MSI2: variants seen among roughly 807,000 people sequenced by gnomAD.
MSI2 encodes musashi RNA binding protein 2.
Under a neutral mutation model 45.6 loss-of-function variants are expected in MSI2, and 17 were observed. The ratio of observed to expected loss-of-function variants is 0.37; its 90% confidence interval spans 0.26 to 0.56. MSI2 has a LOEUF of 0.56. MSI2 is among the 20% of genes least tolerant of loss of function. MSI2 has a pLI of 0.77. For synonymous variants in MSI2, 156 were observed against 158.2 expected (o/e 0.99, Z 0.11); for missense variants, 293 against 444.2 (o/e 0.66, Z 3.06).
intron 7 of MSI2, among the ~76,000 whole-genome samples, chr17:57,576,177 CTTATCAGGGGCTG>C (rs2088042130): frequency 6.6e-6 from 1 of 152,158 alleles, no homozygotes; most frequent in Admixed American, 6.5e-5. Flanking sequence ...GTGCTGGGCA[CTTATCAGGGGCTG>C]AGGATATGGT....
chr17:57,333,804 C>A (rs952764757), intron 5 of MSI2, among the ~76,000 whole-genome samples: 56 of 150,828 alleles, frequency 3.7e-4, no homozygotes, highest in Non-Finnish European at 7.4e-4. Context: ...AAAAAAAAAA[C>A]AAAAAGATTT....
chr17:57,443,359 GCTGA>G (rs978592255), intron 6 of MSI2, among the ~76,000 whole-genome samples: 3 of 152,206 alleles, frequency 2.0e-5, no homozygotes, highest in Admixed American at 6.5e-5. Context: ...AGCTGTTGGT[GCTGA>G]CTAATAGGAC....
chr17:57,669,102 G>A (rs1460124136), intron 11 of MSI2, among the ~76,000 whole-genome samples: 1 of 152,194 alleles, frequency 6.6e-6, no homozygotes, highest in Non-Finnish European at 1.5e-5. Flanking sequence ...ATTCATAACC[G>A]AGTATTCTCC....
At chr17:57,471,544 G>A (rs1384488253) in intron 6 of MSI2, among the ~76,000 whole-genome samples, 1 of 152,096 alleles carries the variant, frequency 6.6e-6, no homozygotes, top group Non-Finnish European at 1.5e-5. Flanking sequence ...CGTACTCACA[G>A]GTGACCTGTT....
At chr17:57,615,918 C>G in intron 8 of MSI2, 52 bp from the exon 9 acceptor site, 1 of 1,375,254 alleles carries the variant, frequency 7.3e-7, no homozygotes, top group Non-Finnish European at 1.0e-6. Context: ...CTGCATTTGA[C>G]ATTTACGTGG....
chr17:57,548,269 C>T (rs1054202013), intron 7 of MSI2, among the ~76,000 whole-genome samples: 1 of 152,088 alleles, frequency 6.6e-6, no homozygotes, highest in African/African-American at 2.4e-5. Context: ...CTTTGTATCC[C>T]TGTCCATGCA....
At chr17:57,691,185 T>TCA in the MSI2 span, among the ~76,000 whole-genome samples, 1 of 139,532 alleles carries the variant, frequency 7.2e-6, no homozygotes, top group Non-Finnish European at 1.5e-5. Flanking sequence ...TCTTTCTCTC[T>TCA]CTCTCTCTCT....
At position 57,422,072 on chromosome 17, in the gene MSI2, G is replaced by A. The variant is rs76460413; in HGVS notation, c.405+20601G>A. On this transcript the variant is annotated intron_variant, in intron 6 of 13. Coordinates refer to ENST00000284073, the MANE Select transcript of MSI2 (RefSeq NM_138962.4). ...AAGGAACTATCAATCCACTCAAATC[G>A]TATTTAGTGATAGTAAATACCAGGT... 4.7e-3 allele frequency among the ~76,000 whole-genome samples: 715 copies of A among 152,192 alleles called. 4 individuals carry two copies. The highest frequency in any genetic ancestry group is 0.016 in the African/African-American group (665 of 41,514).
chr17:57,428,579 T>A (rs1399176941), intron 6 of MSI2, among the ~76,000 whole-genome samples: 1 of 152,178 alleles, frequency 6.6e-6, no homozygotes, highest in Non-Finnish European at 1.5e-5. Context: ...TGGGCATCTT[T>A]TTTTAAAAGT....
At chr17:57,377,495 G>C (rs1052058156) in intron 5 of MSI2, among the ~76,000 whole-genome samples, 11 of 152,224 alleles carry the variant, frequency 7.2e-5, no homozygotes, top group African/African-American at 2.4e-4. Flanking sequence ...AGTCCAGCAA[G>C]TGTTTTTGGA....
chr17:57,522,916 T>G (rs2086622316), intron 6 of MSI2: 1 of 152,240 alleles, frequency 6.6e-6, no homozygotes, highest in Non-Finnish European at 1.5e-5. Context: ...ACTATGTATT[T>G]GGGGAGCCAA....
At chr17:57,698,892 A>AGTGTGTGTGT in the MSI2 span, among the ~76,000 whole-genome samples, 18 of 118,714 alleles carry the variant, frequency 1.5e-4, no homozygotes, top group Middle Eastern at 4.2e-3. Flanking sequence ...GATACAAGGA[A>AGTGTGTGTGT]GTGTGTGTGT....
At chr17:57,380,989 C>A (rs1467605688) in intron 5 of MSI2, among the ~76,000 whole-genome samples, 3 of 152,214 alleles carry the variant, frequency 2.0e-5, no homozygotes, top group African/African-American at 7.2e-5. Flanking sequence ...TTACACATAC[C>A]CCCAGCTCCC....
At chr17:57,656,088 G>A (rs575818815) in intron 11 of MSI2, among the ~76,000 whole-genome samples, 2 of 152,086 alleles carry the variant, frequency 1.3e-5, no homozygotes, top group South Asian at 2.1e-4. Context: ...GGTCTTTGAC[G>A]GCTCGGCACA....
At chr17:57,548,094 G>C (rs143758823) in intron 7 of MSI2, among the ~76,000 whole-genome samples, 50 of 152,272 alleles carry the variant, frequency 3.3e-4, no homozygotes, top group African/African-American at 1.2e-3. Flanking sequence ...TCTTTAGTAC[G>C]CATCGTGGCA....
chr17:57,303,487 A>G (rs1911597785), intron 5 of MSI2, among the ~76,000 whole-genome samples: 1 of 152,248 alleles, frequency 6.6e-6, no homozygotes, highest in Non-Finnish European at 1.5e-5. Flanking sequence ...GAATACAACT[A>G]TATAAATATT....
At chr17:57,437,452 T>C (rs2084709855) in intron 6 of MSI2, among the ~76,000 whole-genome samples, 1 of 152,160 alleles carries the variant, frequency 6.6e-6, no homozygotes, top group African/African-American at 2.4e-5. Flanking sequence ...CTGTCATTCC[T>C]GGGGATGATG....
chr17:57,632,350 G>A, intron 10 of MSI2: 1 of 1,066,784 alleles, frequency 9.4e-7, no homozygotes, highest in Non-Finnish European at 1.1e-6. Context: ...AACCTGATCT[G>A]GAAGAGGAGC....
intron 6 of MSI2, among the ~76,000 whole-genome samples, chr17:57,450,522 T>C (rs2084996195): frequency 1.3e-5 from 2 of 151,558 alleles, no homozygotes; most frequent in South Asian, 2.1e-4. Context: ...ATATAAAAAT[T>C]ATCCAGGCGT....
Sources: gnomAD v4.1 joint callset for allele counts (sites outside exome capture counted in the v4.1 genomes callset) on GRCh38, gnomAD v4.1.1 for gene constraint, MANE v1.5 for transcripts, NCBI Gene and HGNC (gene_info 2026-07-23, HGNC 2026-07-21) for gene names.